The following XYLT1 variants were observed in gnomAD, a reference collection of about 807,000 sequenced individuals.
XYLT1 encodes the protein beta-D-xylosyltransferase 1.
A neutral mutation model predicts 91.3 loss-of-function variants in XYLT1; 36 were observed. The observed-to-expected ratio is 0.39, with a 90% CI of 0.30 to 0.52. XYLT1 has a LOEUF of 0.52. XYLT1 is among the 20% of genes least tolerant of loss of function. The probability of loss-of-function intolerance (pLI) is 0.68; values close to 1 mark genes in which losing one functional copy is unlikely to be tolerated. For synonymous variants in XYLT1, 588 were observed against 532.0 expected, an observed-to-expected ratio of 1.11 and a Z score of -1.45; for missense variants, 1,242 against 1,284.5, an observed-to-expected ratio of 0.97 and a Z score of 0.51.
At chr16:17,271,417 CAG>C (rs1330810939) in intron 2 of XYLT1, among the ~76,000 whole-genome samples, 1 of 151,482 alleles carries the variant, frequency 6.6e-6, no homozygotes, top group Non-Finnish European at 1.5e-5. Flanking sequence ...GAGAAAGATA[CAG>C]AGAGAGACAC....
intron 1 of XYLT1, among the ~76,000 whole-genome samples, chr16:17,419,398 G>C (rs2141919957): frequency 6.6e-6 from 1 of 152,250 alleles, no homozygotes; most frequent in Non-Finnish European, 1.5e-5. Flanking sequence ...CATTGACATA[G>C]CTCAGGGGTC....
chr16:17,112,688 G>C (rs1043232684), intron 11 of XYLT1, among the ~76,000 whole-genome samples: 1 of 152,140 alleles, frequency 6.6e-6, no homozygotes, highest in Non-Finnish European at 1.5e-5. Context: ...ATTGGGCCTG[G>C]TCAGCTCTGG....
At chr16:17,432,976 C>T (rs1377415105) in intron 1 of XYLT1, among the ~76,000 whole-genome samples, 1 of 152,164 alleles carries the variant, frequency 6.6e-6, no homozygotes, top group Non-Finnish European at 1.5e-5. Flanking sequence ...ACGGGCAGTG[C>T]CCTCGAAGAT....
chr16:17,438,760 A>C (rs1405005588), intron 1 of XYLT1, among the ~76,000 whole-genome samples: 2 of 152,058 alleles, frequency 1.3e-5, no homozygotes, highest in African/African-American at 4.8e-5. Flanking sequence ...GGGAGGTGCT[A>C]CACACTTCGA....
chr16:17,426,757 A>G (rs1438451175), intron 1 of XYLT1, among the ~76,000 whole-genome samples: 2 of 152,218 alleles, frequency 1.3e-5, no homozygotes, highest in Non-Finnish European at 2.9e-5. Flanking sequence ...ATGGCCCATA[A>G]GCCTACAATA....
In XYLT1 at chr16:17,435,233, C is replaced by T. The variant is rs28479618; in HGVS notation, c.363+35201G>A. 6.3e-3 allele frequency among the ~76,000 whole-genome samples: 961 copies of T among 152,310 alleles called. 13 individuals are homozygous for T. The highest frequency in any genetic ancestry group is 0.021 in the African/African-American group (874 of 41,574). ...TTCCTCCTGGGATCTGTCCTGGAAG[C>T]ACGCACAGAACTCTCCATTCACTGA... On this transcript the variant is annotated intron_variant, in intron 1 of 11. Transcript: ENST00000261381.
chr16:17,342,240 C>T (rs2035071923), intron 2 of XYLT1, among the ~76,000 whole-genome samples: 1 of 152,204 alleles, frequency 6.6e-6, no homozygotes, highest in Non-Finnish European at 1.5e-5. Context: ...CCTGGCTGCT[C>T]CTGTTCCTTC....
chr16:17,412,159 A>G (rs1045630389), intron 1 of XYLT1, among the ~76,000 whole-genome samples: 7 of 152,126 alleles, frequency 4.6e-5, no homozygotes, highest in African/African-American at 7.2e-5. Context: ...CTGAGCCCCA[A>G]AATGGCCCCC....
chr16:17,240,379 C>T (rs1017925394), intron 3 of XYLT1, among the ~76,000 whole-genome samples: 7 of 152,136 alleles, frequency 4.6e-5, no homozygotes, highest in Non-Finnish European at 5.9e-5. Context: ...CTTCAGCAGA[C>T]GAGCCACACA....
chr16:17,441,207 T>A (rs950532877), intron 1 of XYLT1, among the ~76,000 whole-genome samples: 1 of 151,920 alleles, frequency 6.6e-6, no homozygotes, highest in African/African-American at 2.4e-5. Context: ...CTCGAGTAGC[T>A]GGGACGACAG....
intron 5 of XYLT1, among the ~76,000 whole-genome samples, chr16:17,181,381 A>G (rs1033997429): frequency 1.3e-5 from 2 of 152,210 alleles, no homozygotes; most frequent in Non-Finnish European, 2.9e-5. Context: ...AGGAGAGAAT[A>G]AGGAAAGTGA....
intron 1 of XYLT1, among the ~76,000 whole-genome samples, chr16:17,463,084 T>G (rs2036843179): frequency 1.3e-5 from 2 of 151,926 alleles, no homozygotes; most frequent in Admixed American, 1.3e-4. Context: ...CAAATCAAAA[T>G]AGATTAAAGA....
chr16:17,372,212 C>T (rs368548828), intron 1 of XYLT1, among the ~76,000 whole-genome samples: 106 of 152,294 alleles, frequency 7.0e-4, no homozygotes, highest in African/African-American at 2.3e-3. Context: ...AAACACCAAA[C>T]GAGGGAAATA....
intron 1 of XYLT1, among the ~76,000 whole-genome samples, chr16:17,406,412 T>G (rs1261404837): frequency 6.6e-6 from 1 of 152,208 alleles, no homozygotes; most frequent in Non-Finnish European, 1.5e-5. Context: ...CTCTCTGTGC[T>G]CCAGTGAGGT....
intron 3 of XYLT1, among the ~76,000 whole-genome samples, chr16:17,213,052 T>C (rs926142553): frequency 6.6e-6 from 1 of 152,182 alleles, no homozygotes; most frequent in Non-Finnish European, 1.5e-5. Flanking sequence ...CCAAATCTCA[T>C]GTTGAATGGT....
chr16:17,126,468 C>G (rs2030264504), intron 10 of XYLT1, among the ~76,000 whole-genome samples: 1 of 152,174 alleles, frequency 6.6e-6, no homozygotes, highest in Non-Finnish European at 1.5e-5. Context: ...CACTGGGAGT[C>G]TTAATTGAAA....
At chr16:17,266,300 C>T (rs2033802474) in intron 2 of XYLT1, among the ~76,000 whole-genome samples, 1 of 152,162 alleles carries the variant, frequency 6.6e-6, no homozygotes, top group African/African-American at 2.4e-5. Flanking sequence ...ACCTACTTCC[C>T]AGGGACTGAA....
intron 3 of XYLT1, among the ~76,000 whole-genome samples, chr16:17,256,330 C>T (rs1430685227): frequency 1.3e-5 from 2 of 152,102 alleles, no homozygotes; most frequent in Non-Finnish European, 2.9e-5. Context: ...CTCTATGAGC[C>T]TCATGTTCTT....
intron 1 of XYLT1, among the ~76,000 whole-genome samples, chr16:17,459,265 A>AG (rs938508015): frequency 6.6e-6 from 1 of 151,980 alleles, no homozygotes; most frequent in Non-Finnish European, 1.5e-5. Flanking sequence ...CCACCTACTC[A>AG]GGGGGCTGAG....
Sources: gnomAD v4.1 joint callset for allele counts (sites outside exome capture counted in the v4.1 genomes callset) on GRCh38, gnomAD v4.1.1 for gene constraint, MANE v1.5 for transcripts, NCBI Gene and HGNC (gene_info 2026-07-23, HGNC 2026-07-21) for gene names.